CDH20: variants seen among roughly 807,000 people sequenced by gnomAD.
CDH20 encodes the protein cadherin 20.
Under a neutral mutation model 74.2 loss-of-function variants are expected in CDH20, and 29 were observed. That is an observed-to-expected ratio of 0.39 (90% CI 0.29 to 0.53). CDH20 has a LOEUF of 0.53. Ranked by LOEUF, CDH20 falls within the 20% of genes least tolerant of loss-of-function variation. The pLI is 0.69. For missense variants in CDH20, 988 were observed against 1,048.3 expected (o/e 0.94, Z 0.79); for synonymous variants, 469 against 405.4 (o/e 1.16, Z -1.88).
intron 1 of CDH20, among the ~76,000 whole-genome samples, chr18:61,356,530 A>G (rs1910501416): frequency 6.6e-6 from 1 of 152,212 alleles, no homozygotes; most frequent in African/African-American, 2.4e-5. Context: ...AAGGAAAACA[A>G]TTTACCAACC....
At chr18:61,461,487 G>A (rs1909772486) in intron 1 of CDH20, among the ~76,000 whole-genome samples, 1 of 152,064 alleles carries the variant, frequency 6.6e-6, no homozygotes, top group Non-Finnish European at 1.5e-5. Flanking sequence ...ATCCCTTGGT[G>A]TGTAGCATCA....
At chr18:61,534,249 T>C (rs1599152764) in intron 7 of CDH20, among the ~76,000 whole-genome samples, 1 of 152,194 alleles carries the variant, frequency 6.6e-6, no homozygotes, top group South Asian at 2.1e-4. Context: ...TTGGCTGGGG[T>C]GTGTAGAAAA....
intron 8 of CDH20, 27 bp from the exon 9 acceptor site, chr18:61,538,997 A>C (rs1912932000): frequency 6.2e-7 from 1 of 1,605,092 alleles, no homozygotes; most frequent in Admixed American, 1.7e-5. Context: ...AAACTCTCAG[A>C]TTTGGTTTTC....
chr18:61,387,222 G>A (rs1204534812), intron 1 of CDH20, among the ~76,000 whole-genome samples: 1 of 152,182 alleles, frequency 6.6e-6, no homozygotes, highest in Non-Finnish European at 1.5e-5. Context: ...TGGTCCTGAT[G>A]GCAAGCACGC....
intron 1 of CDH20, among the ~76,000 whole-genome samples, chr18:61,440,791 G>C (rs1431092482): frequency 1.3e-5 from 2 of 152,260 alleles, no homozygotes; most frequent in African/African-American, 4.8e-5. Flanking sequence ...GGGGAAGAGG[G>C]AACATGGGAT....
At chr18:61,350,982 G>A (rs570276149) in intron 1 of CDH20, among the ~76,000 whole-genome samples, 1 of 152,174 alleles carries the variant, frequency 6.6e-6, no homozygotes, top group Non-Finnish European at 1.5e-5. Flanking sequence ...TGACACATTA[G>A]CGTCTTCCAG....
At chr18:61,469,984 AC>A (rs1033871961) in intron 1 of CDH20, among the ~76,000 whole-genome samples, 8 of 152,210 alleles carry the variant, frequency 5.3e-5, no homozygotes, top group Admixed American at 4.6e-4. Context: ...CAGATTTCTT[AC>A]CAAAGACCAT....
intron 10 of CDH20, among the ~76,000 whole-genome samples, chr18:61,545,947 C>G (rs1458697439): frequency 2.6e-5 from 4 of 152,072 alleles, no homozygotes; most frequent in African/African-American, 9.7e-5. Context: ...GGCTCATAGA[C>G]CCAGCACACT....
intron 1 of CDH20, among the ~76,000 whole-genome samples, chr18:61,431,205 T>C (rs1038746140): frequency 2.0e-5 from 3 of 152,116 alleles, no homozygotes; most frequent in Non-Finnish European, 2.9e-5. Context: ...GTAACTCCTA[T>C]GTAACCATAA....
intron 7 of CDH20, among the ~76,000 whole-genome samples, chr18:61,535,818 A>G (rs1414107466): frequency 6.6e-6 from 1 of 152,218 alleles, no homozygotes; most frequent in African/African-American, 2.4e-5. Flanking sequence ...CATTAATTAC[A>G]TAGCTTATAT....
intron 1 of CDH20, among the ~76,000 whole-genome samples, chr18:61,430,548 T>C (rs1913220655): frequency 6.6e-6 from 1 of 152,228 alleles, no homozygotes; most frequent in African/African-American, 2.4e-5. Flanking sequence ...TTGGAAGCTA[T>C]GCTCCACATC....
At chr18:61,462,441 C>T (rs1042605071) in intron 1 of CDH20, among the ~76,000 whole-genome samples, 5 of 152,020 alleles carry the variant, frequency 3.3e-5, no homozygotes, top group Non-Finnish European at 7.4e-5. Context: ...ATTATATCTG[C>T]AAAGACCCTA....
chr18:61,523,512 G>C (rs1158576961), intron 6 of CDH20, among the ~76,000 whole-genome samples: 1 of 152,168 alleles, frequency 6.6e-6, no homozygotes, highest in Non-Finnish European at 1.5e-5. Flanking sequence ...ACAATGTGGT[G>C]ATTCCTCAAG....
intron 1 of CDH20, among the ~76,000 whole-genome samples, chr18:61,446,103 T>G (rs1296106843): frequency 3.3e-5 from 5 of 152,198 alleles, no homozygotes; most frequent in Non-Finnish European, 5.9e-5. Flanking sequence ...CAGCATCATA[T>G]GCATTGCATT....
chr18:61,417,586 A>AAAAAAT (rs1680607809), intron 1 of CDH20, among the ~76,000 whole-genome samples: 1 of 146,074 alleles, frequency 6.8e-6, no homozygotes, highest in Admixed American at 6.8e-5. Flanking sequence ...GCTAAAAAAA[A>AAAAAAT]AAAAAAAAAA....
intron 1 of CDH20, among the ~76,000 whole-genome samples, chr18:61,364,849 C>A (rs1568111948): frequency 6.6e-6 from 1 of 152,196 alleles, no homozygotes; most frequent in Non-Finnish European, 1.5e-5. Context: ...TCCCTCAGAG[C>A]AACACCAGTG....
chr18:61,505,137 C>A (rs920410055), intron 5 of CDH20, among the ~76,000 whole-genome samples: 4 of 152,122 alleles, frequency 2.6e-5, no homozygotes, highest in Non-Finnish European at 5.9e-5. Context: ...ACATTTGACA[C>A]TAGACAGGTG....
chr18:61,517,780 C>T (rs946879039), intron 6 of CDH20, among the ~76,000 whole-genome samples: 1 of 152,104 alleles, frequency 6.6e-6, no homozygotes, highest in Non-Finnish European at 1.5e-5. Context: ...ACCATTCACT[C>T]CCCTGGAAAA....
At chr18:61,450,871 C>A (rs1337661151) in intron 1 of CDH20, among the ~76,000 whole-genome samples, 1 of 152,048 alleles carries the variant, frequency 6.6e-6, no homozygotes, top group Non-Finnish European at 1.5e-5. Context: ...CTTAGCCAAT[C>A]CTGTGTTGGT....
Sources: allele counts gnomAD v4.1 joint callset (sites outside exome capture counted in the v4.1 genomes callset), GRCh38; gene constraint gnomAD v4.1.1; transcripts MANE v1.5; gene names NCBI Gene and HGNC (gene_info 2026-07-23, HGNC 2026-07-21).